Variants in NTM observed in about 807,000 individuals in gnomAD.
NTM encodes neurotrimin.
NTM carries 13 observed loss-of-function variants against 42.1 expected under a neutral mutation model. The observed-to-expected ratio is 0.31, with a 90% CI of 0.20 to 0.49. NTM has a LOEUF of 0.49. Among genes scored for constraint, NTM ranks in the 20% least tolerant of loss-of-function variants. The pLI is 0.99. For synonymous variants in NTM, 187 were observed against 179.2 expected (o/e 1.04, Z -0.35); for missense variants, 373 against 452.8 (o/e 0.82, Z 1.60).
intron 1 of NTM, among the ~76,000 whole-genome samples, chr11:131,635,584 G>A (rs889268778): frequency 3.3e-5 from 5 of 152,182 alleles, no homozygotes; most frequent in East Asian, 1.9e-4. Context: ...AAAAAAGCTT[G>A]TCAAGTAAAA....
At chr11:132,131,427 T>C (rs2137077414) in intron 2 of NTM, among the ~76,000 whole-genome samples, 1 of 152,238 alleles carries the variant, frequency 6.6e-6, no homozygotes, top group African/African-American at 2.4e-5. Context: ...GAAAGAAAGA[T>C]AAAGAAAATA....
intron 1 of NTM, among the ~76,000 whole-genome samples, chr11:131,563,988 G>C (rs1159816169): frequency 6.6e-6 from 1 of 152,018 alleles, no homozygotes; most frequent in Non-Finnish European, 1.5e-5. Context: ...ACCTTGTCCT[G>C]GTCCTGCAAC....
intron 1 of NTM, among the ~76,000 whole-genome samples, chr11:131,812,359 AC>A (rs1361632861): frequency 6.6e-6 from 1 of 152,052 alleles, no homozygotes; most frequent in Non-Finnish European, 1.5e-5. Flanking sequence ...TGTTTGGATC[AC>A]CTCCAGTTAA....
intron 2 of NTM, among the ~76,000 whole-genome samples, chr11:132,081,998 A>G (rs1482580137): frequency 6.7e-6 from 1 of 149,466 alleles, no homozygotes; most frequent in East Asian, 1.9e-4. Context: ...GGCACAGAGA[A>G]TATGAAAAGC....
chr11:131,429,852 C>T (rs1286757757), intron 1 of NTM, among the ~76,000 whole-genome samples: 2 of 152,194 alleles, frequency 1.3e-5, no homozygotes, highest in Non-Finnish European at 2.9e-5. Context: ...GCTTGCATTT[C>T]CTTCAGATGT....
chr11:131,748,660 G>A (rs566526177), intron 1 of NTM, among the ~76,000 whole-genome samples: 3 of 152,166 alleles, frequency 2.0e-5, no homozygotes, highest in East Asian at 1.9e-4. Flanking sequence ...ATCACACATC[G>A]GTTCAAATGA....
intron 1 of NTM, among the ~76,000 whole-genome samples, chr11:131,705,649 T>C (rs2076520420): frequency 6.6e-6 from 1 of 152,104 alleles, no homozygotes; most frequent in South Asian, 2.1e-4. Flanking sequence ...CTACAATAAT[T>C]TGTTAATAAA....
intron 1 of NTM, among the ~76,000 whole-genome samples, chr11:131,887,224 C>T (rs1428918808): frequency 6.6e-6 from 1 of 152,202 alleles, no homozygotes; most frequent in East Asian, 1.9e-4. Flanking sequence ...CTTCACAATG[C>T]ATACTTACAT....
chr11:132,059,820 A>G (rs778387483), intron 2 of NTM, among the ~76,000 whole-genome samples: 6 of 151,442 alleles, frequency 4.0e-5, no homozygotes, highest in Admixed American at 1.3e-4. Context: ...AGGATTCCCA[A>G]ATTTGTTATT....
At chr11:131,429,619 CA>C (rs1192217413) in intron 1 of NTM, among the ~76,000 whole-genome samples, 1 of 152,072 alleles carries the variant, frequency 6.6e-6, no homozygotes, top group African/African-American at 2.4e-5. Context: ...TGGAGAACAC[CA>C]GAGCCACTTA....
intron 3 of NTM, among the ~76,000 whole-genome samples, chr11:132,169,366 C>A (rs1422472071): frequency 1.1e-5 from 1 of 87,856 alleles, no homozygotes; most frequent in African/African-American, 4.6e-5. Flanking sequence ...GATGGAGTCT[C>A]ACTCTGTCAC....
chr11:131,618,431 C>T (rs977568062), intron 1 of NTM, among the ~76,000 whole-genome samples: 1 of 152,204 alleles, frequency 6.6e-6, no homozygotes, highest in Non-Finnish European at 1.5e-5. Flanking sequence ...CAAAAGCAGC[C>T]AGTTAGTCAG....
In NTM at chr11:132,127,697, C is replaced by G. The variant is rs565022761; in HGVS notation, c.168-18585C>G. Among the ~76,000 whole-genome samples, 5 of 152,304 alleles carry G rather than the reference C, an allele frequency of 3.3e-5. No homozygotes were observed. In the East Asian group the frequency reaches 9.7e-4, roughly 29 times the overall value. On this transcript the variant is annotated intron_variant, in intron 2 of 8. Transcript: ENST00000683400. ...TCCTTGAGCCAGAGCGGCATTCCGG[C>G]GGATTACAGTGTCTGCCACTCTGCT...
At chr11:131,647,774 G>A (rs545464586) in intron 1 of NTM, among the ~76,000 whole-genome samples, 47 of 152,006 alleles carry the variant, frequency 3.1e-4, no homozygotes, top group Non-Finnish European at 5.9e-4. Flanking sequence ...GATTTTTCAG[G>A]GACCCAAAAC....
At chr11:131,639,983 A>G (rs2064931302) in intron 1 of NTM, among the ~76,000 whole-genome samples, 1 of 149,888 alleles carries the variant, frequency 6.7e-6, no homozygotes, top group Admixed American at 6.6e-5. Context: ...ATAAATAATA[A>G]AATAAAAATA....
chr11:132,157,687 G>C (rs1470287476), intron 3 of NTM, among the ~76,000 whole-genome samples: 1 of 152,106 alleles, frequency 6.6e-6, no homozygotes, highest in Admixed American at 6.6e-5. Flanking sequence ...TCTCCACTAT[G>C]TGTCTCATAG....
chr11:131,646,865 T>C (rs939241659), intron 1 of NTM, among the ~76,000 whole-genome samples: 2 of 152,212 alleles, frequency 1.3e-5, no homozygotes, highest in Non-Finnish European at 2.9e-5. Context: ...TTGATTTTTA[T>C]ATTATAGAAG....
intron 1 of NTM, among the ~76,000 whole-genome samples, chr11:131,523,339 G>T (rs911267371): frequency 6.6e-6 from 1 of 152,202 alleles, no homozygotes. Flanking sequence ...GTAAGAAAGT[G>T]TCACCAGATT....
chr11:132,316,716 A>G (rs1237175047), intron 7 of NTM, among the ~76,000 whole-genome samples: 2 of 152,162 alleles, frequency 1.3e-5, no homozygotes, highest in Non-Finnish European at 2.9e-5. Flanking sequence ...CTGCCTGGGT[A>G]ACATAATTCT....
Sources: allele counts gnomAD v4.1 joint callset (sites outside exome capture counted in the v4.1 genomes callset), GRCh38; gene constraint gnomAD v4.1.1; transcripts MANE v1.5; gene names NCBI Gene and HGNC (gene_info 2026-07-23, HGNC 2026-07-21).